Variants in SLC25A21 observed in about 807,000 individuals in gnomAD.
The protein encoded by SLC25A21 is mitochondrial 2-oxodicarboxylate carrier.
SLC25A21 carries 47 observed loss-of-function variants against 43.8 expected under a neutral mutation model. That is an observed-to-expected ratio of 1.07 (90% CI 0.85 to 1.37). The LOEUF (loss-of-function observed/expected upper bound fraction) is 1.37. Among genes scored for constraint, SLC25A21 ranks in the 40% most tolerant of loss-of-function variants. The pLI is 0.00. For missense variants in SLC25A21, 352 were observed against 350.2 expected, an observed-to-expected ratio of 1.00 and a Z score of -0.04; for synonymous variants, 131 against 121.3, an observed-to-expected ratio of 1.08 and a Z score of -0.52.
rs190515719 is a variant in SLC25A21 at position 37,072,605 on chromosome 14, G to C, written c.70+99676C>G. Among the ~76,000 whole-genome samples the C allele has an allele frequency of 5.3e-3, 809 of 152,258 alleles. 6 individuals carry two copies. Among genetic ancestry groups the C allele is most frequent in the Non-Finnish European group, 8.9e-3 (608 of 68,018 alleles). On this transcript the variant is annotated intron_variant, in intron 1 of 9. Transcript: ENST00000331299. ...CTACTAAAAACACAAAACTTAGTTG[G>C]GCGTGGTGGTGCACACCTCTAGGCC...
intron 1 of SLC25A21, among the ~76,000 whole-genome samples, chr14:37,023,545 G>A (rs571462628): frequency 1.3e-5 from 2 of 151,838 alleles, no homozygotes; most frequent in Non-Finnish European, 2.9e-5. Flanking sequence ...TAAGACCAGT[G>A]GATTCCTTTT....
At chr14:36,914,702 G>C (rs1364581264) in intron 1 of SLC25A21, among the ~76,000 whole-genome samples, 4 of 152,028 alleles carry the variant, frequency 2.6e-5, no homozygotes, top group Admixed American at 6.6e-5. Context: ...TGCAAATAGG[G>C]TATCTTGCAC....
intron 1 of SLC25A21, among the ~76,000 whole-genome samples, chr14:37,055,069 C>A (rs182014381): frequency 6.6e-6 from 1 of 152,142 alleles, no homozygotes; most frequent in East Asian, 1.9e-4. Flanking sequence ...TGACTGCAAG[C>A]GTCAACTGCG....
chr14:36,782,384 G>T (rs1188589115), intron 3 of SLC25A21, among the ~76,000 whole-genome samples: 1 of 151,950 alleles, frequency 6.6e-6, no homozygotes, highest in African/African-American at 2.4e-5. Flanking sequence ...TCTCTTGATG[G>T]TGCCCCATAA....
chr14:36,711,926 A>G (rs1001984734), intron 6 of SLC25A21, among the ~76,000 whole-genome samples: 2 of 152,230 alleles, frequency 1.3e-5, no homozygotes, highest in African/African-American at 4.8e-5. Flanking sequence ...TTCTAAAGCT[A>G]ATGTTACAGT....
At chr14:37,107,135 T>A (rs1360486168) in intron 1 of SLC25A21, among the ~76,000 whole-genome samples, 1 of 152,094 alleles carries the variant, frequency 6.6e-6, no homozygotes, top group African/African-American at 2.4e-5. Flanking sequence ...AATTAATTAT[T>A]ACTATTTTTT....
intron 4 of SLC25A21, among the ~76,000 whole-genome samples, chr14:36,733,785 CAG>C (rs1339312942): frequency 1.3e-5 from 2 of 152,136 alleles, no homozygotes; most frequent in African/African-American, 4.8e-5. Context: ...CAATGCCTGT[CAG>C]AGTCGCTATG....
intron 2 of SLC25A21, among the ~76,000 whole-genome samples, chr14:36,827,320 G>A (rs576938011): frequency 2.6e-5 from 4 of 152,080 alleles, no homozygotes; most frequent in South Asian, 2.1e-4. Context: ...TATCCCTTTC[G>A]GTGGAAGAAA....
At chr14:36,984,963 T>G (rs1336990002) in intron 1 of SLC25A21, among the ~76,000 whole-genome samples, 1 of 151,368 alleles carries the variant, frequency 6.6e-6, no homozygotes, top group Admixed American at 6.6e-5. Flanking sequence ...TAAGAAAATG[T>G]GGCACATATA....
intron 3 of SLC25A21, among the ~76,000 whole-genome samples, chr14:36,765,294 G>A (rs1026927440): frequency 2.0e-5 from 3 of 152,236 alleles, no homozygotes; most frequent in African/African-American, 4.8e-5. Context: ...AGAAACGCAA[G>A]TAAAGAGACC....
chr14:36,920,169 C>A (rs1891942310), intron 1 of SLC25A21, among the ~76,000 whole-genome samples: 1 of 151,976 alleles, frequency 6.6e-6, no homozygotes, highest in Admixed American at 6.6e-5. Flanking sequence ...TACGGCAGTA[C>A]AAAATGTTCT....
chr14:37,113,279 C>T (rs1963051959), intron 1 of SLC25A21, among the ~76,000 whole-genome samples: 1 of 152,110 alleles, frequency 6.6e-6, no homozygotes, highest in African/African-American at 2.4e-5. Context: ...CTCTACCTTG[C>T]TATTTTGCTT....
intron 1 of SLC25A21, among the ~76,000 whole-genome samples, chr14:36,976,711 C>A (rs971924982): frequency 1.3e-5 from 2 of 152,202 alleles, no homozygotes; most frequent in African/African-American, 4.8e-5. Context: ...CACTTGCCAA[C>A]CACTGGCTGG....
intron 1 of SLC25A21, among the ~76,000 whole-genome samples, chr14:36,994,723 AG>A (rs1332058426): frequency 6.6e-6 from 1 of 152,142 alleles, no homozygotes; most frequent in African/African-American, 2.4e-5. Flanking sequence ...ATCTAGTGAA[AG>A]GCAGGTACCT....
chr14:36,705,111 G>T (rs1012210966), intron 7 of SLC25A21, among the ~76,000 whole-genome samples: 4 of 151,862 alleles, frequency 2.6e-5, no homozygotes, highest in African/African-American at 9.7e-5. Context: ...TGCAATCTCT[G>T]CTCACTGCAA....
chr14:36,678,988 T>G lies in SLC25A21; in HGVS notation c.*1670A>C, dbSNP rs919119033. ...GGTTAATGTTGACATATTTCCTCTA[T>G]CTCATAGATGGTAAAAGTGTTGCTT... On this transcript the variant is annotated 3_prime_UTR_variant, in exon 10 of 10. Coordinates refer to ENST00000331299, the MANE Select transcript of SLC25A21 (RefSeq NM_030631.4). 8 of 976,990 alleles carry G rather than the reference T, an allele frequency of 8.2e-6. No homozygotes were observed. Among genetic ancestry groups the G allele is most frequent in the South Asian group, 4.8e-5 (1 of 20,882 alleles). 60.5% of individuals were successfully genotyped at this position (976,990 alleles called of 1,614,324 possible).
intron 1 of SLC25A21, among the ~76,000 whole-genome samples, chr14:37,166,546 A>G (rs1964033316): frequency 6.6e-6 from 1 of 152,172 alleles, no homozygotes; most frequent in South Asian, 2.1e-4. Context: ...TTGCCTTGTG[A>G]AGTTGTGGAA....
chr14:36,744,908 G>A (rs1003083731), intron 3 of SLC25A21, among the ~76,000 whole-genome samples: 21 of 151,540 alleles, frequency 1.4e-4, no homozygotes, highest in East Asian at 3.9e-4. Context: ...TGTACACAAC[G>A]TGCAGGTTTA....
chr14:36,685,731 T>C lies in SLC25A21; in HGVS notation c.604-806A>G, dbSNP rs143284915. On this transcript the variant is annotated intron_variant, in intron 7 of 9. Coordinates refer to ENST00000331299, the MANE Select transcript of SLC25A21 (RefSeq NM_030631.4). ...GATTTTCCACCCCTCCCTGCACTGC[T>C]TTCTGACATCAAAGTATTTAATTAG... Among the ~76,000 whole-genome samples, 6 of 152,344 alleles carry C rather than the reference T, an allele frequency of 3.9e-5. No homozygotes were observed. The East Asian group carries it at 1.2e-3, about 29-fold the overall frequency.
Sources: allele counts gnomAD v4.1 joint callset (sites outside exome capture counted in the v4.1 genomes callset), GRCh38; gene constraint gnomAD v4.1.1; transcripts MANE v1.5; gene names NCBI Gene and HGNC (gene_info 2026-07-23, HGNC 2026-07-21).